TRIP4: variants seen among roughly 807,000 people sequenced by gnomAD.
TRIP4 encodes the protein activating signal cointegrator 1.
In TRIP4, 54 loss-of-function variants were observed where a neutral mutation model predicts 81.8. That is an observed-to-expected ratio of 0.66 (90% confidence interval 0.53 to 0.83). The LOEUF is 0.83. TRIP4 is among the 40% of genes least tolerant of loss of function. The probability of loss-of-function intolerance (pLI) is 0.00; values close to 1 mark genes in which losing one functional copy is unlikely to be tolerated. For missense variants in TRIP4, 662 were observed against 683.6 expected, an observed-to-expected ratio of 0.97 and a Z score of 0.35; for synonymous variants, 270 against 242.8, an observed-to-expected ratio of 1.11 and a Z score of -1.04.
At chr15:64,453,843 A>C (rs565595407) in intron 12 of TRIP4, among the ~76,000 whole-genome samples, 1 of 152,366 alleles carries the variant, frequency 6.6e-6, no homozygotes, top group Non-Finnish European at 1.5e-5. Context: ...TTTTTCTCAC[A>C]GTCTTACTGT....
Position 64,409,491 on chromosome 15 carries a change from GCAGAGC to G in TRIP4, c.828-121_828-116del, listed in dbSNP as rs540713824. The G allele has an allele frequency of 8.2e-4, 707 of 858,580 alleles. 1 individual carries two copies. In the African/African-American group the frequency reaches 0.01, roughly 12 times the overall value. The allele number at this position is 858,580 out of a possible 1,614,324, so 53.2% of individuals were successfully genotyped here. A position where few individuals can be genotyped will look rare whatever the true frequency, so the allele number is the denominator to read the frequency against. ...AGCCTACACTGGAGATAAAACATATGCAGAGCTTGACCTGATTTTGGAACATATTTG... is the reference window on the plus strand; with the variant it reads ...AGCCTACACTGGAGATAAAACATATGTTGACCTGATTTTGGAACATATTTG... On this transcript the variant is annotated intron_variant, in intron 6 of 12. Coordinates refer to ENST00000261884, the MANE Select transcript of TRIP4 (RefSeq NM_016213.5).
chr15:64,433,130 G>A (rs1343023733), intron 11 of TRIP4, among the ~76,000 whole-genome samples: 1 of 152,008 alleles, frequency 6.6e-6, no homozygotes, highest in Non-Finnish European at 1.5e-5. Context: ...CTGTCTCTGA[G>A]AAAAATAAAG....
chr15:64,424,180 A>G (rs377437424), intron 10 of TRIP4, 25 bp downstream of exon 10: 13 of 1,613,196 alleles, frequency 8.1e-6, no homozygotes, highest in Non-Finnish European at 1.1e-5. Flanking sequence ...TTCTCCTTTC[A>G]ATTTTACTTT....
chr15:64,409,016 C>T (rs1360821676), intron 6 of TRIP4, among the ~76,000 whole-genome samples: 1 of 151,966 alleles, frequency 6.6e-6, no homozygotes, highest in Non-Finnish European at 1.5e-5. Flanking sequence ...AGTTCAAGAC[C>T]AGCCAAGCCA....
intron 1 of TRIP4, among the ~76,000 whole-genome samples, chr15:64,390,358 A>T (rs1484287863): frequency 6.6e-6 from 1 of 151,132 alleles, no homozygotes; most frequent in African/African-American, 2.4e-5. Flanking sequence ...GTTACTCGGA[A>T]GGCTGAGGCA....
Position 64,394,066 on chromosome 15 carries a change from T to C in TRIP4, c.222T>C (p.Asn74=), listed in dbSNP as rs148803255. ...IEELITKWQK[N]DQELISDPLQ... ...AACTTATAACCAAATGGCAAAAGAA[T>C]GATCAGGAGTTGATTTCGGATCCTT... is the stretch of plus-strand genomic sequence containing the variant. Residue 74 remains asparagine (N), a synonymous_variant, in exon 2 of 13, where the codon AAT becomes AAC. Transcript: ENST00000261884. 5.6e-6 allele frequency: 9 copies of C among 1,609,000 alleles called. No individual in the cohort carries two copies. Among genetic ancestry groups the C allele is most frequent in the African/African-American group, 1.3e-5 (1 of 74,708 alleles).
chr15:64,403,406 G>A (rs1891557381), intron 5 of TRIP4, among the ~76,000 whole-genome samples: 2 of 151,948 alleles, frequency 1.3e-5, no homozygotes, highest in South Asian at 2.1e-4. Context: ...TGTTCCACCC[G>A]CCTCGGCCTC....
At chr15:64,431,847 A>ATATATTTTTTT in intron 11 of TRIP4, among the ~76,000 whole-genome samples, 6 of 119,560 alleles carry the variant, frequency 5.0e-5, no homozygotes, top group South Asian at 2.5e-4. Flanking sequence ...ATATATATAT[A>ATATATTTTTTT]TTTTTTTTAT....
chr15:64,412,942 A>G (rs1050189003), intron 7 of TRIP4, among the ~76,000 whole-genome samples: 10 of 152,180 alleles, frequency 6.6e-5, no homozygotes, highest in African/African-American at 2.4e-4. Context: ...TAGGCATGGG[A>G]TAACAGGGGA....
At chr15:64,407,183 G>A (rs547642326) in intron 6 of TRIP4, among the ~76,000 whole-genome samples, 2 of 152,228 alleles carry the variant, frequency 1.3e-5, no homozygotes, top group South Asian at 2.1e-4. Context: ...TGTAACCTGA[G>A]AGTCTGTTGC....
chr15:64,390,318 C>T lies in TRIP4; in HGVS notation c.101+2354C>T, dbSNP rs116042788. Among the ~76,000 whole-genome samples, 487 of 148,692 alleles carry T rather than the reference C, an allele frequency of 3.3e-3. 1 individual carries two copies. Among genetic ancestry groups the T allele is most frequent in the African/African-American group, 0.011 (466 of 40,530 alleles). ...CTCTACTAAAAATACAAAACTTAGT[C>T]GGGTGTGGTGGAGCGTGCAGGTCAT... On this transcript the variant is annotated intron_variant, in intron 1 of 12. Transcript: ENST00000261884.
intron 11 of TRIP4, among the ~76,000 whole-genome samples, chr15:64,434,845 A>T (rs919765394): frequency 1.3e-5 from 2 of 152,136 alleles, no homozygotes; most frequent in Non-Finnish European, 2.9e-5. Context: ...GTCGCTATCT[A>T]CTTGGAATCT....
intron 11 of TRIP4, chr15:64,444,617 G>T (rs1036480349): frequency 2.0e-5 from 3 of 153,214 alleles, no homozygotes; most frequent in African/African-American, 7.2e-5. Context: ...AAGTCTTCCA[G>T]TGCTTCACTT....
At chr15:64,398,161 A>G (rs1043551361) in intron 4 of TRIP4, among the ~76,000 whole-genome samples, 1 of 152,100 alleles carries the variant, frequency 6.6e-6, no homozygotes, top group African/African-American at 2.4e-5. Flanking sequence ...TCGGCCTCTC[A>G]AAGTTCTGGG....
rs71133433 is a variant in TRIP4, at chr15:64,436,763, CTTTTTTTTT to C, written c.1576-8222_1576-8214del. Among the ~76,000 whole-genome samples the C allele has an allele frequency of 1.0e-3, 22 of 21,416 alleles. No individual in the cohort carries two copies. The East Asian group carries it at 0.013, about 12-fold the overall frequency. 14.0% of individuals were successfully genotyped at this position (21,416 alleles called of 152,430 possible). A position where few individuals can be genotyped will look rare whatever the true frequency, so the allele number is the denominator to read the frequency against. On this transcript the variant is annotated intron_variant, in intron 11 of 12. Transcript: ENST00000261884. ...TAGTTCTTTAGGTGACCATCTATGCCTTTTTTTTTTTTTTTTTTTTTTTTTTTTTAATAA... is the reference window on the plus strand; with the variant it reads ...TAGTTCTTTAGGTGACCATCTATGCCTTTTTTTTTTTTTTTTTTTTAATAA...
At chr15:64,418,260 T>G (rs1001384008) in intron 8 of TRIP4, among the ~76,000 whole-genome samples, 2 of 152,086 alleles carry the variant, frequency 1.3e-5, no homozygotes, top group African/African-American at 4.8e-5. Flanking sequence ...TATAGGCACC[T>G]GCCACCACGC....
intron 7 of TRIP4, 55 bp from the exon 8 acceptor site, chr15:64,414,030 C>T: frequency 6.3e-7 from 1 of 1,581,956 alleles, no homozygotes; most frequent in Non-Finnish European, 8.6e-7. Flanking sequence ...TGGTGGTAAG[C>T]ATTCTGAGCA....
chr15:64,426,676 G>C (rs1227331404), intron 11 of TRIP4, among the ~76,000 whole-genome samples: 1 of 148,850 alleles, frequency 6.7e-6, no homozygotes, highest in Non-Finnish European at 1.5e-5. Flanking sequence ...CTCCAGCCTG[G>C]GCGACAGAGT....
chr15:64,399,996 A>T (rs1169104863), intron 4 of TRIP4, among the ~76,000 whole-genome samples: 1 of 151,688 alleles, frequency 6.6e-6, no homozygotes, highest in African/African-American at 2.4e-5. Flanking sequence ...AGAAAGAAAA[A>T]AAGAAAAAAT....
Sources: gnomAD v4.1 joint callset for allele counts (sites outside exome capture counted in the v4.1 genomes callset) on GRCh38, gnomAD v4.1.1 for gene constraint, MANE v1.5 for transcripts, NCBI Gene and HGNC (gene_info 2026-07-23, HGNC 2026-07-21) for gene names.